The following PRDM16 variants were observed in gnomAD, a reference collection of about 807,000 sequenced individuals.
PRDM16 encodes PR/SET domain 16, also known as histone-lysine N-methyltransferase PRDM16.
A neutral mutation model predicts 110.6 loss-of-function variants in PRDM16; 23 were observed. The ratio of observed to expected loss-of-function variants is 0.21; its 90% confidence interval spans 0.15 to 0.29. The LOEUF is 0.29. Ranked by LOEUF, PRDM16 falls within the 10% of genes least tolerant of loss-of-function variation. The pLI is 1.00. For synonymous variants in PRDM16, 799 were observed against 781.8 expected, an observed-to-expected ratio of 1.02 and a Z score of -0.37; for missense variants, 1,615 against 1,794.3, an observed-to-expected ratio of 0.90 and a Z score of 1.81.
chr1:3,259,247 G>A (rs1036290606), intron 3 of PRDM16, among the ~76,000 whole-genome samples: 5 of 152,168 alleles, frequency 3.3e-5, no homozygotes, highest in African/African-American at 9.7e-5. Context: ...CCAGGCAGGC[G>A]CCGGAAGCAG....
chr1:3,236,849 G>A (rs1639551460), intron 2 of PRDM16, among the ~76,000 whole-genome samples: 1 of 152,222 alleles, frequency 6.6e-6, no homozygotes, highest in Admixed American at 6.5e-5. Flanking sequence ...GGGTTTACAT[G>A]CATTATTGGG....
intron 2 of PRDM16, among the ~76,000 whole-genome samples, chr1:3,220,655 G>A (rs1476853241): frequency 6.6e-6 from 1 of 152,206 alleles, no homozygotes; most frequent in Non-Finnish European, 1.5e-5. Flanking sequence ...ACACCATTTG[G>A]TCTCTCTCCC....
At position 3,425,497 on chromosome 1, in the gene PRDM16, G is replaced by T. The variant is rs117270255; in HGVS notation, c.2940-84G>T. 10 of 1,449,934 alleles carry T rather than the reference G, an allele frequency of 6.9e-6. No homozygotes were observed. Among genetic ancestry groups the T allele is most frequent in the Non-Finnish European group, 9.4e-6 (10 of 1,058,708 alleles). The allele number at this position is 1,449,934 out of a possible 1,614,324, so 89.8% of individuals were successfully genotyped here. A position where few individuals can be genotyped will look rare whatever the true frequency, so the allele number is the denominator to read the frequency against. ...TGCACGGGGCACGGGGCAGGGGCGC[G>T]GGCTCCCTTCCCCCCACCCTCTGTG... On this transcript the variant is annotated intron_variant, in intron 12 of 16. Transcript: ENST00000270722. This position sits in a 1 kb window ranked among gnomAD's most constrained non-coding sequence, Gnocchi z 6.9.
intron 3 of PRDM16, among the ~76,000 whole-genome samples, chr1:3,362,395 C>T (rs17399569): frequency 0.078 from 11,868 of 152,170 alleles, 538 homozygotes; most frequent in African/African-American, 0.11. Context: ...TCACAACGGG[C>T]GGTCATGGTT....
intron 2 of PRDM16, among the ~76,000 whole-genome samples, chr1:3,222,102 G>C (rs558203915): frequency 2.6e-5 from 4 of 152,316 alleles, no homozygotes; most frequent in African/African-American, 9.6e-5. Context: ...GGGAAGGAGG[G>C]GCTGTTGCAG....
At chr1:3,180,865 G>A (rs1644143668) in intron 1 of PRDM16, among the ~76,000 whole-genome samples, 1 of 148,638 alleles carries the variant, frequency 6.7e-6, no homozygotes, top group Non-Finnish European at 1.5e-5. Context: ...CTTACGCACG[G>A]CCTTACACAC....
chr1:3,229,237 CCA>C (rs1473526317), intron 2 of PRDM16, among the ~76,000 whole-genome samples: 2 of 152,312 alleles, frequency 1.3e-5, no homozygotes, highest in South Asian at 2.1e-4. Flanking sequence ...CCATCGTTAC[CCA>C]CACACGGGCT....
intron 1 of PRDM16, among the ~76,000 whole-genome samples, chr1:3,106,448 C>T (rs1197616266): frequency 2.0e-5 from 3 of 152,252 alleles, no homozygotes; most frequent in East Asian, 1.9e-4. Flanking sequence ...CTCAGGGGCC[C>T]GAGGGCTGGT....
At chr1:3,117,841 A>G (rs565245029) in intron 1 of PRDM16, among the ~76,000 whole-genome samples, 2 of 152,242 alleles carry the variant, frequency 1.3e-5, no homozygotes, top group Admixed American at 6.5e-5. Flanking sequence ...GCCTCCGCAC[A>G]TTCATGTTTC....
Position 3,433,747 on chromosome 1 carries a change from C to T in PRDM16, c.3767C>T (p.Ala1256Val), listed in dbSNP as rs1289394464. The T allele has an allele frequency of 6.2e-7, 1 of 1,614,030 alleles. No individual in the cohort carries two copies. Among genetic ancestry groups the T allele is most frequent in the Non-Finnish European group, 8.5e-7 (1 of 1,179,946 alleles). The change falls in exon 17 of 17, where the codon GCT becomes GTT. Residue 1256 changes from alanine to valine, a missense_variant. This residue lies in a region of PRDM16 where 327 missense variants were observed against 359.3 expected (regional missense o/e 0.91). Transcript: ENST00000270722. ...LHTPSQGSLD[A>V]WLKVTGATSE... ...ACCCCCTCCCAGGGTTCTCTGGACG[C>T]TTGGTTGAAGGTCACTGGAGCCACG... is the stretch of plus-strand genomic sequence containing the variant.
At chr1:3,215,427 T>TCCCGGGGACAGGCAAGGCCCACG (rs1557534859) in intron 2 of PRDM16, among the ~76,000 whole-genome samples, 1 of 80,422 alleles carries the variant, frequency 1.2e-5, no homozygotes, top group African/African-American at 1.2e-4. Context: ...CAAGGCCTAT[T>TCCCGGGGACAGGCAAGGCCCACG]GGGGTCCAGG....
At chr1:3,291,758 C>A (rs931233427) in intron 3 of PRDM16, among the ~76,000 whole-genome samples, 1 of 152,368 alleles carries the variant, frequency 6.6e-6, no homozygotes, top group East Asian at 1.9e-4. Context: ...CTGGGGGAGA[C>A]GGGGGTTCTG....
intron 2 of PRDM16, among the ~76,000 whole-genome samples, chr1:3,240,091 G>C (rs1018082897): frequency 2.7e-5 from 4 of 148,280 alleles, no homozygotes; most frequent in Non-Finnish European, 6.0e-5. Flanking sequence ...GAGAGGAGAG[G>C]AGAGGAGAGG....
chr1:3,240,524 C>A (rs925319495), intron 2 of PRDM16, among the ~76,000 whole-genome samples: 1 of 152,294 alleles, frequency 6.6e-6, no homozygotes, highest in East Asian at 1.9e-4. Context: ...GTGTTGGGGT[C>A]CCTCATGGGC....
At chr1:3,220,702 C>A (rs1425009813) in intron 2 of PRDM16, among the ~76,000 whole-genome samples, 1 of 152,190 alleles carries the variant, frequency 6.6e-6, no homozygotes, top group African/African-American at 2.4e-5. Flanking sequence ...CTGGGAGAAG[C>A]TCCCTGGATG....
intron 3 of PRDM16, among the ~76,000 whole-genome samples, chr1:3,361,133 C>T (rs1048412675): frequency 3.3e-5 from 5 of 152,250 alleles, no homozygotes; most frequent in East Asian, 1.9e-4. Context: ...CCTCACATTT[C>T]GGCTCTGGGG....
intron 2 of PRDM16, among the ~76,000 whole-genome samples, chr1:3,189,633 G>A (rs2100804705): frequency 6.6e-6 from 1 of 152,366 alleles, no homozygotes; most frequent in East Asian, 1.9e-4. Flanking sequence ...AAAAGAACAA[G>A]TAAAGATATT....
intron 2 of PRDM16, among the ~76,000 whole-genome samples, chr1:3,240,524 C>G (rs925319495): frequency 3.3e-5 from 5 of 152,176 alleles, no homozygotes; most frequent in African/African-American, 1.2e-4. Context: ...GTGTTGGGGT[C>G]CCTCATGGGC....
intron 2 of PRDM16, among the ~76,000 whole-genome samples, chr1:3,215,856 C>T (rs1242037868): frequency 2.6e-4 from 40 of 152,152 alleles, no homozygotes; most frequent in Admixed American, 2.2e-3. Context: ...CATTCTTCCC[C>T]GGCTCCTCAG....
Sources: allele counts gnomAD v4.1 joint callset (sites outside exome capture counted in the v4.1 genomes callset), GRCh38; gene constraint gnomAD v4.1.1; regional missense constraint gnomAD v4.1.1; non-coding constraint Gnocchi (gnomAD v3.1); transcripts MANE v1.5; gene names NCBI Gene and HGNC (gene_info 2026-07-23, HGNC 2026-07-21).